The following EPAS1 variants were observed in gnomAD, a reference collection of about 807,000 sequenced individuals.
EPAS1 encodes endothelial PAS domain protein 1.
EPAS1 carries 23 observed loss-of-function variants against 87.9 expected under a neutral mutation model. The observed-to-expected ratio is 0.26, with a 90% CI of 0.19 to 0.37. EPAS1 has a LOEUF of 0.37. EPAS1 is among the 10% of genes least tolerant of loss of function. The pLI, the probability that EPAS1 is intolerant of heterozygous loss-of-function variation, is 1.00. For synonymous variants in EPAS1, 508 were observed against 444.3 expected (o/e 1.14, Z -1.80); for missense variants, 1,138 against 1,120.7 (o/e 1.02, Z -0.22).
chr2:46,382,665 T>A (rs1324280928), intron 15 of EPAS1, 67 bp downstream of exon 15: 15 of 1,594,656 alleles, frequency 9.4e-6, no homozygotes, highest in Non-Finnish European at 1.2e-5. Context: ...CACGTCTACT[T>A]TTTTTCCAGC....
At chr2:46,350,307 A>G (rs944200653) in intron 2 of EPAS1, among the ~76,000 whole-genome samples, 27 of 152,240 alleles carry the variant, frequency 1.8e-4, no homozygotes, top group African/African-American at 6.3e-4. Context: ...CTCACTTTAT[A>G]ATAGGAAATA....
intron 2 of EPAS1, among the ~76,000 whole-genome samples, chr2:46,349,417 A>T (rs1203194611): frequency 6.6e-6 from 1 of 152,152 alleles, no homozygotes; most frequent in Non-Finnish European, 1.5e-5. Context: ...CCTGTGTGCT[A>T]AACACACCCA....
At chr2:46,381,307 AGAG>A (rs1267988964) in intron 12 of EPAS1, 6 of 475,256 alleles carry the variant, frequency 1.3e-5, no homozygotes, top group East Asian at 4.2e-5. Flanking sequence ...AGCAAAAGGC[AGAG>A]GAGAGACATG....
chr2:46,343,513 A>T (rs1178937962), intron 1 of EPAS1, among the ~76,000 whole-genome samples: 1 of 152,216 alleles, frequency 6.6e-6, no homozygotes, highest in African/African-American at 2.4e-5. Flanking sequence ...CAAATTATTT[A>T]ATCTCTCTAA....
At chr2:46,297,982 G>C in intron 1 of EPAS1, 45 bp downstream of exon 1, 1 of 1,606,176 alleles carries the variant, frequency 6.2e-7, no homozygotes, top group South Asian at 1.1e-5. Flanking sequence ...CCGAGGCCAG[G>C]GCCGGGCTGC....
At chr2:46,335,391 C>A (rs1291336473) in intron 1 of EPAS1, among the ~76,000 whole-genome samples, 2 of 134,930 alleles carry the variant, frequency 1.5e-5, no homozygotes, top group South Asian at 6.2e-4. Context: ...GTTATGTGCA[C>A]CCCCGCCCCC....
intron 15 of EPAS1, among the ~76,000 whole-genome samples, chr2:46,382,978 A>G (rs1481430131): frequency 6.6e-6 from 1 of 152,216 alleles, no homozygotes; most frequent in Non-Finnish European, 1.5e-5. Context: ...AGGCGGCCAC[A>G]GTGGTGAGGG....
chr2:46,337,854 CTT>C (rs765508066), intron 1 of EPAS1, among the ~76,000 whole-genome samples: 239 of 149,898 alleles, frequency 1.6e-3, no homozygotes, highest in Non-Finnish European at 2.9e-3. Context: ...AAGCACAAAC[CTT>C]TTTTTTTTCT....
chr2:46,310,368 T>C (rs1683186892), intron 1 of EPAS1, among the ~76,000 whole-genome samples: 2 of 152,222 alleles, frequency 1.3e-5, no homozygotes, highest in Admixed American at 6.5e-5. Flanking sequence ...GTCCCTTCAA[T>C]ATCCCACTAT....
chr2:46,346,795 G>T lies in EPAS1; in HGVS notation c.27-78G>T. On this transcript the variant is annotated intron_variant, in intron 1 of 15. Coordinates refer to ENST00000263734, the MANE Select transcript of EPAS1 (RefSeq NM_001430.5). This position sits in a 1 kb window ranked among gnomAD's most constrained non-coding sequence, Gnocchi z 4.0. ...GAGTGTGGCTGCACTGGGGGTTGGG[G>T]CCATGGGGATGTCCTGGCCAGAGGT... 4 of 1,511,962 alleles carry T rather than the reference G, an allele frequency of 2.6e-6. No homozygotes were observed. Among genetic ancestry groups the T allele is most frequent in the Middle Eastern group, 1.7e-4 (1 of 5,788 alleles). 93.7% of individuals were successfully genotyped at this position (1,511,962 alleles called of 1,614,324 possible). A position where few individuals can be genotyped will look rare whatever the true frequency, so the allele number is the denominator to read the frequency against.
At chr2:46,312,103 G>C (rs1036680761) in intron 1 of EPAS1, among the ~76,000 whole-genome samples, 2 of 152,174 alleles carry the variant, frequency 1.3e-5, no homozygotes, top group Non-Finnish European at 2.9e-5. Flanking sequence ...TTTGGAGAGA[G>C]ACAAACTTTC....
intron 7 of EPAS1, among the ~76,000 whole-genome samples, chr2:46,370,987 A>T (rs1179100187): frequency 2.6e-5 from 4 of 152,228 alleles, no homozygotes; most frequent in Non-Finnish European, 5.9e-5. Context: ...CAAGGGGCTC[A>T]TATCTTTAAC....
chr2:46,358,735 T>A (rs1684322002), intron 4 of EPAS1, among the ~76,000 whole-genome samples: 1 of 152,192 alleles, frequency 6.6e-6, no homozygotes, highest in South Asian at 2.1e-4. Flanking sequence ...TTGGGATCAG[T>A]CAAACTCAAT....
At chr2:46,382,704 G>GCTTGA in intron 15 of EPAS1, 106 bp downstream of exon 15, 1 of 1,476,410 alleles carries the variant, frequency 6.8e-7, no homozygotes, top group Admixed American at 1.9e-5. Flanking sequence ...ACAGGGAGGT[G>GCTTGA]CTTGACTTGA....
At chr2:46,301,241 G>C (rs973850322) in intron 1 of EPAS1, among the ~76,000 whole-genome samples, 1 of 152,150 alleles carries the variant, frequency 6.6e-6, no homozygotes, top group Non-Finnish European at 1.5e-5. Context: ...GATGCCGAGA[G>C]AGGTTAAAAG....
intron 4 of EPAS1, among the ~76,000 whole-genome samples, chr2:46,357,532 C>T (rs2103630811): frequency 6.6e-6 from 1 of 152,334 alleles, no homozygotes; most frequent in East Asian, 1.9e-4. Context: ...CTTCTGAAGG[C>T]TTTGTCCCCA....
Position 46,382,031 on chromosome 2 carries a change from C to T in EPAS1, c.2229C>T (p.Leu743=), listed in dbSNP as rs2103676943. The change falls in exon 14 of 16, where the codon CTC becomes CTT. Residue 743 remains leucine, a synonymous_variant. Coordinates refer to ENST00000263734, the MANE Select transcript of EPAS1 (RefSeq NM_001430.5). ...SHLMWKRMKN[L]RGGSCPLMPD... is the part of the protein sequence containing the mutation. The stretch of plus-strand genomic sequence containing the variant: ...TGATGTGGAAACGGATGAAGAACCT[C>T]AGGGGTGGGAGCTGCCCTTTGATGC... 1.9e-6 allele frequency: 3 copies of T among 1,614,054 alleles called. No homozygotes were observed. Among genetic ancestry groups the T allele is most frequent in the Non-Finnish European group, 2.5e-6 (3 of 1,180,014 alleles).
chr2:46,337,708 C>A (rs1369936257), intron 1 of EPAS1, among the ~76,000 whole-genome samples: 2 of 151,974 alleles, frequency 1.3e-5, no homozygotes, highest in African/African-American at 4.8e-5. Context: ...GGTAGAAGCC[C>A]TAAGGAAAAA....
At chr2:46,299,951 G>C (rs888615177) in intron 1 of EPAS1, among the ~76,000 whole-genome samples, 5 of 152,244 alleles carry the variant, frequency 3.3e-5, no homozygotes, top group Admixed American at 2.0e-4. Context: ...AGGCCGCTGT[G>C]TGAGCTGCGG....
Sources: allele counts gnomAD v4.1 joint callset (sites outside exome capture counted in the v4.1 genomes callset), GRCh38; gene constraint gnomAD v4.1.1; non-coding constraint Gnocchi (gnomAD v3.1); transcripts MANE v1.5; gene names NCBI Gene and HGNC (gene_info 2026-07-23, HGNC 2026-07-21).